NEDD9: variants seen among roughly 807,000 people sequenced by gnomAD.
The protein encoded by NEDD9 is enhancer of filamentation 1.
NEDD9 carries 26 observed loss-of-function variants against 76.6 expected under a neutral mutation model. The ratio of observed to expected loss-of-function variants is 0.34; its 90% CI spans 0.25 to 0.47. NEDD9 has a LOEUF of 0.47. NEDD9 is among the 20% of genes least tolerant of loss of function. The pLI is 1.00. For synonymous variants in NEDD9, 392 were observed against 414.2 expected (o/e 0.95, Z 0.65); for missense variants, 937 against 1,058.5 (o/e 0.89, Z 1.59).
At position 11,307,393 on chromosome 6, in the gene NEDD9, C is replaced by A. The variant is rs140583114; in HGVS notation, c.-152-1238G>T. On this transcript the variant is annotated intron_variant, in intron 2 of 3. Coordinates refer to the NEDD9 transcript ENST00000397378. ...CTTGCAGTGGCTAGGCAAGGGGACA[C>A]AGGCCCATGACTCATTTGCTCTGCC... 3.6e-3 allele frequency among the ~76,000 whole-genome samples: 545 copies of A among 152,270 alleles called. 2 individuals carry two copies. Among genetic ancestry groups the A allele is most frequent in the African/African-American group, 0.013 (528 of 41,542 alleles).
intron 3 of NEDD9, among the ~76,000 whole-genome samples, chr6:11,270,018 A>G (rs115469947): frequency 6.5e-4 from 99 of 152,294 alleles, no homozygotes; most frequent in African/African-American, 2.1e-3. Context: ...TCTCTCAGCT[A>G]TTCTGGAGGC....
intron 3 of NEDD9, among the ~76,000 whole-genome samples, chr6:11,273,031 C>T (rs1040628344): frequency 2.0e-5 from 3 of 151,988 alleles, no homozygotes; most frequent in South Asian, 4.2e-4. Context: ...TGAATATATC[C>T]GTCACATAGC....
chr6:11,289,688 T>G (rs1465629019), intron 3 of NEDD9, among the ~76,000 whole-genome samples: 2 of 152,132 alleles, frequency 1.3e-5, no homozygotes, highest in Admixed American at 6.5e-5. Context: ...CCTGACCTCA[T>G]GATCTGCCTG....
At chr6:11,231,243 A>C (rs1759461050) in intron 1 of NEDD9, among the ~76,000 whole-genome samples, 1 of 152,234 alleles carries the variant, frequency 6.6e-6, no homozygotes, top group African/African-American at 2.4e-5. Context: ...TGATGAAGAT[A>C]ATAGAAAGCT....
At chr6:11,381,693 G>A (rs1008927877) in intron 1 of NEDD9, among the ~76,000 whole-genome samples, 4 of 152,152 alleles carry the variant, frequency 2.6e-5, no homozygotes, top group African/African-American at 4.8e-5. Context: ...ACCATTTCTC[G>A]CCAGTCAGGA....
Position 11,191,106 on chromosome 6 carries a change from G to T in NEDD9, c.763C>A (p.Leu255Ile). ...ATGTCATAAACCCCCTCCGGTCTGA[G>T]GTCCGGCCTTCCAGCTTGTCTCATG... ...PPMRQAGRPD[L>I]RPEGVYDIPP... Residue 255 changes from leucine to isoleucine, a missense_variant, in exon 5 of 7, where the codon CTC (leucine) becomes ATC (isoleucine). Coordinates refer to ENST00000379446, the MANE Select transcript of NEDD9 (RefSeq NM_006403.4). 6.2e-7 allele frequency: 1 copy of T among 1,613,960 alleles called. No homozygotes were observed. Among genetic ancestry groups the T allele is most frequent in the Admixed American group, 1.7e-5 (1 of 60,008 alleles).
intron 1 of NEDD9, among the ~76,000 whole-genome samples, chr6:11,348,947 T>C (rs1213074818): frequency 6.6e-6 from 1 of 152,180 alleles, no homozygotes; most frequent in Non-Finnish European, 1.5e-5. Context: ...ACTAATGAGC[T>C]TCTGCACAGC....
intron 1 of NEDD9, among the ~76,000 whole-genome samples, chr6:11,215,222 A>G (rs1185325547): frequency 3.3e-5 from 5 of 152,230 alleles, no homozygotes; most frequent in Non-Finnish European, 7.3e-5. Context: ...CATAGAGGAC[A>G]GTCCTCAGGA....
intron 2 of NEDD9, among the ~76,000 whole-genome samples, chr6:11,203,143 A>G (rs1381343854): frequency 6.6e-6 from 1 of 152,204 alleles, no homozygotes; most frequent in Non-Finnish European, 1.5e-5. Context: ...AAAGAACACG[A>G]CGGGAAATGA....
intron 3 of NEDD9, among the ~76,000 whole-genome samples, chr6:11,299,603 G>A (rs1760989004): frequency 6.6e-6 from 1 of 152,186 alleles, no homozygotes. Context: ...CTTCCCAGTA[G>A]GGGCCAACAG....
chr6:11,354,496 G>A (rs1009396015), intron 1 of NEDD9, among the ~76,000 whole-genome samples: 1 of 152,330 alleles, frequency 6.6e-6, no homozygotes, highest in South Asian at 2.1e-4. Flanking sequence ...GGGGAAAATA[G>A]TACCTAGATC....
intron 3 of NEDD9, among the ~76,000 whole-genome samples, chr6:11,281,579 C>G (rs114968700): frequency 0.082 from 12,412 of 152,112 alleles, 732 homozygotes; most frequent in Non-Finnish European, 0.12. Context: ...GTCTCAAACT[C>G]CTGCACTCAA....
chr6:11,380,297 T>C (rs1763039702), intron 1 of NEDD9, among the ~76,000 whole-genome samples: 1 of 152,152 alleles, frequency 6.6e-6, no homozygotes, highest in Non-Finnish European at 1.5e-5. Context: ...GACATGTAGT[T>C]TAAGAAATGA....
intron 3 of NEDD9, among the ~76,000 whole-genome samples, chr6:11,291,686 T>C (rs1356348461): frequency 6.6e-6 from 1 of 152,100 alleles, no homozygotes; most frequent in Non-Finnish European, 1.5e-5. Flanking sequence ...CAAGTGGGCG[T>C]TGGATAATAC....
At chr6:11,259,954 A>ACACACACACACACACACACC (rs1760075436) in intron 3 of NEDD9, among the ~76,000 whole-genome samples, 1 of 151,864 alleles carries the variant, frequency 6.6e-6, no homozygotes, top group African/African-American at 2.4e-5. Flanking sequence ...ACACACACAC[A>ACACACACACACACACACACC]CACACAGACA....
intron 3 of NEDD9, among the ~76,000 whole-genome samples, chr6:11,244,936 C>T (rs954133917): frequency 6.6e-6 from 1 of 152,220 alleles, no homozygotes; most frequent in African/African-American, 2.4e-5. Context: ...ACCTTCCTGA[C>T]TAACCTAGTA....
At chr6:11,272,801 G>T (rs1760337298) in intron 3 of NEDD9, among the ~76,000 whole-genome samples, 1 of 152,138 alleles carries the variant, frequency 6.6e-6, no homozygotes, top group African/African-American at 2.4e-5. Context: ...TTTGTTTTCG[G>T]CTTCATCCTG....
In NEDD9 at chr6:11,286,137, A is replaced by G. The variant is rs536936301; in HGVS notation, c.12+19855T>C. On this transcript the variant is annotated intron_variant, in intron 3 of 3. Coordinates refer to the NEDD9 transcript ENST00000397378. The stretch of plus-strand genomic sequence containing the variant: ...CCAGAATAGATAAGAAACTCTCATT[A>G]CTGAATAATAAGAAAACAAACCAAA... Among the ~76,000 whole-genome samples, 34 of 152,340 alleles carry G rather than the reference A, an allele frequency of 2.2e-4. No homozygotes were observed. In the South Asian group the frequency reaches 5.8e-3, roughly 26 times the overall value.
intron 2 of NEDD9, among the ~76,000 whole-genome samples, chr6:11,208,218 C>A (rs1292196659): frequency 1.3e-5 from 2 of 151,440 alleles, no homozygotes; most frequent in African/African-American, 4.8e-5. Flanking sequence ...CCTTAGGTGA[C>A]CACAGAGGAG....
Sources: gnomAD v4.1 joint callset for allele counts (sites outside exome capture counted in the v4.1 genomes callset) on GRCh38, gnomAD v4.1.1 for gene constraint, MANE v1.5 for transcripts, NCBI Gene and HGNC (gene_info 2026-07-23, HGNC 2026-07-21) for gene names.